The following PRKCZ variants were observed in gnomAD, a reference collection of about 807,000 sequenced individuals.
The protein encoded by PRKCZ is protein kinase C zeta, also known as protein kinase C zeta type.
Under a neutral mutation model 79.5 loss-of-function variants are expected in PRKCZ, and 33 were observed. That is an observed-to-expected ratio of 0.41 (90% CI 0.31 to 0.55). The LOEUF (loss-of-function observed/expected upper bound fraction) is 0.55. Ranked by LOEUF, PRKCZ falls within the 20% of genes least tolerant of loss-of-function variation. The pLI is 0.19. For missense variants in PRKCZ, 578 were observed against 813.5 expected (o/e 0.71, Z 3.52); for synonymous variants, 342 against 320.9 (o/e 1.07, Z -0.70).
chr1:2,181,698 G>A (rs1686645193), intron 16 of PRKCZ: 2 of 388,296 alleles, frequency 5.2e-6, no homozygotes, highest in African/African-American at 2.1e-5. Flanking sequence ...AGGGGCTGGA[G>A]GACCCTGGGC....
At position 2,171,094 on chromosome 1, in the gene PRKCZ, G is replaced by A. The variant is rs180885137; in HGVS notation, c.1062-961G>A. Among the ~76,000 whole-genome samples the A allele has an allele frequency of 5.2e-3, 788 of 152,256 alleles. 11 individuals carry two copies. The highest frequency in any genetic ancestry group is 0.018 in the African/African-American group (747 of 41,574). On this transcript the variant is annotated intron_variant, in intron 11 of 17. Transcript: ENST00000378567. Reference sequence around the variant, plus strand: ...GCCTGTAATCCCAGCACTTTGAGAGGCCAAGGCGGGCGGATCACGAGGTCA... The same window carrying A: ...GCCTGTAATCCCAGCACTTTGAGAGACCAAGGCGGGCGGATCACGAGGTCA...
At chr1:2,156,651 G>GGGCCACAGCTGGC (rs1681110496) in intron 10 of PRKCZ, 1 of 155,272 alleles carries the variant, frequency 6.4e-6, no homozygotes, top group Non-Finnish European at 1.4e-5. Flanking sequence ...GCCGCACTGG[G>GGGCCACAGCTGGC]GGCCACAGCT....
intron 4 of PRKCZ, among the ~76,000 whole-genome samples, chr1:2,073,132 A>G (rs955004887): frequency 6.6e-6 from 1 of 151,906 alleles, no homozygotes; most frequent in Admixed American, 6.6e-5. Context: ...ACAGCCCGTG[A>G]GGTCTGGTCT....
rs139797520 is a variant in PRKCZ, at chr1:2,066,710, G to A, written c.334+7119G>A. 3.1e-4 allele frequency among the ~76,000 whole-genome samples: 47 copies of A among 152,308 alleles called. No homozygotes were observed. In the East Asian group the frequency reaches 7.5e-3, roughly 24 times the overall value. ...TTTGTTCTTTTTCTGGTTCCTTGAA[G>A]TGTAAAATTCGGTTGTTAATTTGAG... is the stretch of plus-strand genomic sequence containing the variant. On this transcript the variant is annotated intron_variant, in intron 4 of 17. Transcript: ENST00000378567.
At chr1:2,132,004 G>C (rs917685195) in intron 4 of PRKCZ, among the ~76,000 whole-genome samples, 2 of 152,086 alleles carry the variant, frequency 1.3e-5, no homozygotes, top group Non-Finnish European at 2.9e-5. Flanking sequence ...GTAGAGACGG[G>C]GTTTCACCGT....
intron 4 of PRKCZ, among the ~76,000 whole-genome samples, chr1:2,088,855 A>G (rs1404436582): frequency 6.6e-6 from 1 of 152,258 alleles, no homozygotes; most frequent in Non-Finnish European, 1.5e-5. Flanking sequence ...TGTTCACTAC[A>G]GAAAACTTGA....
intron 4 of PRKCZ, chr1:2,073,510 A>G: frequency 1.8e-6 from 1 of 565,606 alleles, no homozygotes; most frequent in Non-Finnish European, 2.2e-6. Context: ...TTCTGTTCTG[A>G]TGTCGCATTT....
At chr1:2,102,530 C>A (rs547497786) in intron 4 of PRKCZ, among the ~76,000 whole-genome samples, 1 of 151,730 alleles carries the variant, frequency 6.6e-6, no homozygotes, top group East Asian at 2.0e-4. Context: ...GATGGGGTTT[C>A]ACTGTGTTAG....
chr1:2,154,153 TG>T, intron 9 of PRKCZ, among the ~76,000 whole-genome samples: 1 of 151,266 alleles, frequency 6.6e-6, no homozygotes, highest in South Asian at 2.1e-4. Context: ...AGGTGAGGGG[TG>T]GAGGAGTCAC....
chr1:2,050,469 C>T lies in PRKCZ; in HGVS notation c.-162C>T. 1 of 269,736 alleles carries T rather than the reference C, an allele frequency of 3.7e-6. No homozygotes were observed. The highest frequency in any genetic ancestry group is 9.1e-5 in the East Asian group (1 of 11,040). The allele number at this position is 269,736 out of a possible 1,614,324, so 16.7% of individuals were successfully genotyped here. A position where few individuals can be genotyped will look rare whatever the true frequency, so the allele number is the denominator to read the frequency against. ...TCCCGCCCCGCGCGCCCCCCGCTCCCGCCCCGCGCGCCGCCGGAGTTCCGC... is the reference window on the plus strand; with the variant it reads ...TCCCGCCCCGCGCGCCCCCCGCTCCTGCCCCGCGCGCCGCCGGAGTTCCGC... On this transcript the variant is annotated 5_prime_UTR_variant, in exon 1 of 18. Transcript: ENST00000378567.
At chr1:2,184,761 CCTTGGGCAGCTGGTGA>C (rs1179673289) in intron 17 of PRKCZ, 63 bp downstream of exon 17, 32 of 1,506,202 alleles carry the variant, frequency 2.1e-5, no homozygotes, top group Non-Finnish European at 2.4e-5. Flanking sequence ...CAGGCCGGCA[CCTTGGGCAGCTGGTGA>C]CCCAGCCTGC....
At chr1:2,156,586 C>G (rs1003000019) in intron 10 of PRKCZ, 1 of 166,914 alleles carries the variant, frequency 6.0e-6, no homozygotes, top group East Asian at 1.6e-4. Context: ...ATTGAGTCCT[C>G]AAGACCATCC....
At chr1:2,080,661 A>T (rs1380297766) in intron 4 of PRKCZ, among the ~76,000 whole-genome samples, 1 of 152,082 alleles carries the variant, frequency 6.6e-6, no homozygotes, top group Admixed American at 6.5e-5. Flanking sequence ...CGTGAGTTAC[A>T]CTTCACCAGC....
chr1:2,164,412 G>A (rs542350858), intron 10 of PRKCZ, among the ~76,000 whole-genome samples: 4 of 152,316 alleles, frequency 2.6e-5, no homozygotes, highest in African/African-American at 7.2e-5. Context: ...TGTGACTGTC[G>A]GGGGACTCTG....
intron 4 of PRKCZ, among the ~76,000 whole-genome samples, chr1:2,093,860 C>T (rs980995350): frequency 2.5e-4 from 38 of 152,278 alleles, no homozygotes; most frequent in Admixed American, 8.5e-4. Context: ...CGGGACGAGC[C>T]GAGGATCCCC....
chr1:2,147,355 C>T (rs112239599), intron 7 of PRKCZ, among the ~76,000 whole-genome samples: 1 of 150,488 alleles, frequency 6.6e-6, no homozygotes, highest in Admixed American at 6.6e-5. Flanking sequence ...TCCATCTATC[C>T]ATCTATTGTC....
At chr1:2,107,849 G>GGGCAGTGTCGAGGGAGCCCCCAACACCCC (rs934114315) in intron 4 of PRKCZ, among the ~76,000 whole-genome samples, 1,527 of 150,412 alleles carry the variant, frequency 0.01, 21 homozygotes, top group African/African-American at 0.028. Flanking sequence ...ATTCCCCCCA[G>GGGCAGTGTCGAGGGAGCCCCCAACACCCC]GGCAGTGTCG....
At chr1:2,058,436 C>A (rs1660384186) in intron 3 of PRKCZ, among the ~76,000 whole-genome samples, 1 of 151,170 alleles carries the variant, frequency 6.6e-6, no homozygotes, top group East Asian at 2.0e-4. Flanking sequence ...TGTGATTATT[C>A]CACTGCACTC....
chr1:2,164,217 A>G (rs1307933952), intron 10 of PRKCZ, among the ~76,000 whole-genome samples: 1 of 152,250 alleles, frequency 6.6e-6, no homozygotes, highest in Non-Finnish European at 1.5e-5. Context: ...AGGGAGACAC[A>G]GGATGGAAAC....
Sources: gnomAD v4.1 joint callset for allele counts (sites outside exome capture counted in the v4.1 genomes callset) on GRCh38, gnomAD v4.1.1 for gene constraint, MANE v1.5 for transcripts, NCBI Gene and HGNC (gene_info 2026-07-23, HGNC 2026-07-21) for gene names.